The following LDLRAD4 variants were observed in gnomAD, a reference collection of about 807,000 sequenced individuals.
The protein encoded by LDLRAD4 is low-density lipoprotein receptor class A domain-containing protein 4.
LDLRAD4 carries 5 observed loss-of-function variants against 17.0 expected under a neutral mutation model. The ratio of observed to expected loss-of-function variants is 0.29; its 90% CI spans 0.15 to 0.62. LDLRAD4 has a LOEUF of 0.62. Ranked by LOEUF, LDLRAD4 falls within the 20% of genes least tolerant of loss-of-function variation. The pLI is 0.84. For missense variants in LDLRAD4, 340 were observed against 424.7 expected (o/e 0.80, Z 1.75); for synonymous variants, 168 against 171.8 (o/e 0.98, Z 0.17).
At chr18:13,447,174 C>T (rs755471376) in intron 3 of LDLRAD4, among the ~76,000 whole-genome samples, 65 of 118,268 alleles carry the variant, frequency 5.5e-4, no homozygotes, top group Non-Finnish European at 9.0e-4. Context: ...AAAGCAATTA[C>T]TGACTGTGAC....
At chr18:13,380,825 T>C (rs1026330) in intron 1 of LDLRAD4, among the ~76,000 whole-genome samples, 113,640 of 152,164 alleles carry the variant, frequency 0.75, 42,715 homozygotes, top group East Asian at 0.82. Flanking sequence ...AACTACATTA[T>C]GCTGAACAAG....
chr18:13,278,368 T>G (rs2045024360), intron 1 of LDLRAD4, 180 bp downstream of exon 2: 1 of 152,348 alleles, frequency 6.6e-6, no homozygotes, highest in African/African-American at 2.4e-5. Flanking sequence ...TGGGTATCTA[T>G]TCACAGTAGA....
intron 1 of LDLRAD4, among the ~76,000 whole-genome samples, chr18:13,341,076 G>T (rs2082348883): frequency 6.6e-6 from 1 of 151,896 alleles, no homozygotes; most frequent in African/African-American, 2.4e-5. Context: ...CTATTCAGTT[G>T]GTGTATATGT....
intron 3 of LDLRAD4, chr18:13,491,367 A>G (rs868507201): frequency 6.6e-6 from 1 of 152,136 alleles, no homozygotes; most frequent in African/African-American, 2.4e-5. Flanking sequence ...CACCGAGTGC[A>G]TCCGTCATGC....
chr18:13,552,663 G>A (rs1271861475), intron 3 of LDLRAD4, among the ~76,000 whole-genome samples: 1 of 152,154 alleles, frequency 6.6e-6, no homozygotes, highest in Non-Finnish European at 1.5e-5. Flanking sequence ...CTAGAGGACT[G>A]TGACTCTTCA....
At chr18:13,224,851 TAG>T (rs774292960) in intron 1 of LDLRAD4, among the ~76,000 whole-genome samples, 18 of 150,366 alleles carry the variant, frequency 1.2e-4, no homozygotes, top group East Asian at 3.9e-4. Flanking sequence ...TTTTCTTAGA[TAG>T]AGTCTCCCTT....
chr18:13,369,432 A>G (rs921588674), intron 1 of LDLRAD4, among the ~76,000 whole-genome samples: 3 of 152,050 alleles, frequency 2.0e-5, no homozygotes, highest in Non-Finnish European at 4.4e-5. Context: ...GTGGGCGGCC[A>G]TGGTCTTGGT....
chr18:13,641,685 C>T, intron 4 of LDLRAD4: 2 of 924,572 alleles, frequency 2.2e-6, no homozygotes, highest in Non-Finnish European at 2.6e-6. Flanking sequence ...CTGGCGGTTT[C>T]CTGTCCGGGC....
intron 3 of LDLRAD4, among the ~76,000 whole-genome samples, chr18:13,451,292 G>A (rs2091820075): frequency 2.0e-5 from 3 of 152,210 alleles, no homozygotes; most frequent in South Asian, 2.1e-4. Context: ...GGCGGGAGGT[G>A]TTTGGGTCAT....
intron 3 of LDLRAD4, among the ~76,000 whole-genome samples, chr18:13,565,638 A>G (rs2094590894): frequency 6.6e-6 from 1 of 152,210 alleles, no homozygotes; most frequent in Admixed American, 6.5e-5. Context: ...TGCCCCTGTC[A>G]ACAAGCAGAC....
chr18:13,573,921 G>A (rs977953650), intron 3 of LDLRAD4, among the ~76,000 whole-genome samples: 4 of 152,150 alleles, frequency 2.6e-5, no homozygotes, highest in South Asian at 2.1e-4. Context: ...TCCCATCTCC[G>A]CATTTCCTGG....
At chr18:13,373,122 C>T (rs1265383643) in intron 1 of LDLRAD4, among the ~76,000 whole-genome samples, 1 of 151,510 alleles carries the variant, frequency 6.6e-6, no homozygotes, top group Non-Finnish European at 1.5e-5. Flanking sequence ...TAACAGCTCA[C>T]ACTCCTTTGG....
At chr18:13,352,525 A>G (rs556661531) in intron 1 of LDLRAD4, among the ~76,000 whole-genome samples, 14 of 152,136 alleles carry the variant, frequency 9.2e-5, no homozygotes, top group Non-Finnish European at 2.1e-4. Flanking sequence ...TACTTAAAAG[A>G]TTCGGTCTTT....
chr18:13,353,853 G>T (rs1194381549), intron 1 of LDLRAD4, among the ~76,000 whole-genome samples: 1 of 152,214 alleles, frequency 6.6e-6, no homozygotes, highest in Non-Finnish European at 1.5e-5. Context: ...TTTGCTTAAT[G>T]ACTATAGAAC....
intron 3 of LDLRAD4, among the ~76,000 whole-genome samples, chr18:13,492,866 A>G (rs2093387457): frequency 6.6e-6 from 1 of 152,184 alleles, no homozygotes; most frequent in Non-Finnish European, 1.5e-5. Flanking sequence ...GCAGTGGCTC[A>G]CACCTGTAAT....
At chr18:13,509,844 G>A (rs896457331) in intron 3 of LDLRAD4, among the ~76,000 whole-genome samples, 13 of 152,178 alleles carry the variant, frequency 8.5e-5, no homozygotes, top group Admixed American at 5.2e-4. Context: ...TCATTCAGCA[G>A]CCGTCAACAT....
rs568420969 is a variant in LDLRAD4 at position 13,333,028 on chromosome 18, C to T, written c.-382-54313C>T. ...GAAGTGATGGTACCATGTTGCATTC[C>T]CACCATCAATAAATGAGAGTTCTGT... On this transcript the variant is annotated intron_variant, in intron 1 of 5. Transcript: ENST00000359446. Among the ~76,000 whole-genome samples the T allele has an allele frequency of 7.2e-5, 11 of 152,210 alleles. No homozygotes were observed. The East Asian group carries it at 2.1e-3, about 29-fold the overall frequency.
At chr18:13,564,574 A>G (rs1601415121) in intron 3 of LDLRAD4, among the ~76,000 whole-genome samples, 1 of 94,622 alleles carries the variant, frequency 1.1e-5, no homozygotes, top group Non-Finnish European at 2.0e-5. Flanking sequence ...TTGTGTTCCC[A>G]TTTTCTAAAA....
At chr18:13,275,741 T>C (rs79028945), upstream of LDLRAD4, among the ~76,000 whole-genome samples, 5,099 of 151,332 alleles carry the variant, frequency 0.034, 285 homozygotes, top group African/African-American at 0.12. Context: ...TAAATACATA[T>C]ACCTACTATG....
Sources: allele counts gnomAD v4.1 joint callset (sites outside exome capture counted in the v4.1 genomes callset), GRCh38; gene constraint gnomAD v4.1.1; transcripts MANE v1.5; gene names NCBI Gene and HGNC (gene_info 2026-07-23, HGNC 2026-07-21).